Variants in DENND4C observed in about 807,000 individuals in gnomAD.
DENND4C encodes DENN domain containing 4C.
DENND4C carries 108 observed loss-of-function variants against 203.0 expected under a neutral mutation model. That is an observed-to-expected ratio of 0.53 (90% CI 0.46 to 0.62). The LOEUF (loss-of-function observed/expected upper bound fraction) is 0.62, where lower values mean the gene tolerates loss of function less well. DENND4C is among the 20% of genes least tolerant of loss of function. The probability of loss-of-function intolerance (pLI) is 0.00; values close to 1 mark genes in which losing one functional copy is unlikely to be tolerated. For synonymous variants in DENND4C, 871 were observed against 792.4 expected (o/e 1.10, Z -1.67); for missense variants, 2,481 against 2,301.2 (o/e 1.08, Z -1.60).
chr9:19,354,046 C>T (rs1367681773), intron 26 of DENND4C, among the ~76,000 whole-genome samples: 1 of 152,202 alleles, frequency 6.6e-6, no homozygotes, highest in Non-Finnish European at 1.5e-5. Context: ...CATTCCCACC[C>T]TCATTCCCCT....
chr9:19,342,700 T>G lies in DENND4C; in HGVS notation c.3072T>G (p.Thr1024=). The change falls in exon 22 of 33, where the codon ACT becomes ACG. Residue 1024 remains threonine (T), a synonymous_variant. Coordinates refer to ENST00000434457, the MANE Select transcript of DENND4C (RefSeq NM_001330640.2). The part of the protein sequence containing the change: ...SQPSPEPHSP[T]EPPAWGSSIV... ...CTAGTCCAGAGCCTCACAGTCCTACTGAACCTCCTGCATGGGGCAGCAGTA... is the reference window on the plus strand; with the variant it reads ...CTAGTCCAGAGCCTCACAGTCCTACGGAACCTCCTGCATGGGGCAGCAGTA... The G allele has an allele frequency of 6.2e-7, 1 of 1,613,752 alleles. No homozygotes were observed. Among genetic ancestry groups the G allele is most frequent in the Non-Finnish European group, 8.5e-7 (1 of 1,179,820 alleles).
At chr9:19,267,301 A>T (rs1366488912) in intron 1 of DENND4C, among the ~76,000 whole-genome samples, 1 of 152,176 alleles carries the variant, frequency 6.6e-6, no homozygotes, top group Non-Finnish European at 1.5e-5. Flanking sequence ...TGTTGGGTGC[A>T]TGTGTATTTA....
intron 1 of DENND4C, among the ~76,000 whole-genome samples, chr9:19,264,235 T>C (rs928906817): frequency 6.6e-6 from 1 of 152,162 alleles, no homozygotes; most frequent in African/African-American, 2.4e-5. Flanking sequence ...GTAGGTTGTA[T>C]GTTTCTAGGA....
chr9:19,295,301 C>T (rs1389465466), intron 5 of DENND4C, among the ~76,000 whole-genome samples: 2 of 151,722 alleles, frequency 1.3e-5, no homozygotes, highest in Non-Finnish European at 2.9e-5. Flanking sequence ...GTCAGGAGAT[C>T]GAGACCATCC....
Position 19,331,251 on chromosome 9 carries a change from G to A in DENND4C, c.2254-727G>A, listed in dbSNP as rs1005721628. Among the ~76,000 whole-genome samples, 45 of 149,774 alleles carry A rather than the reference G, an allele frequency of 3.0e-4. 1 individual carries two copies. The highest frequency in any genetic ancestry group is 1.3e-3 in the Admixed American group (19 of 14,924). On this transcript the variant is annotated intron_variant, in intron 16 of 32. Transcript: ENST00000434457. ...TGGAGTATCGCTCTGTCGCCAGGCTGGAGTGCAGTGGCACAATCTCAGCTC... is the reference window on the plus strand; with the variant it reads ...TGGAGTATCGCTCTGTCGCCAGGCTAGAGTGCAGTGGCACAATCTCAGCTC...
intron 17 of DENND4C, among the ~76,000 whole-genome samples, chr9:19,332,450 G>A (rs1343400002): frequency 6.6e-6 from 1 of 151,314 alleles, no homozygotes; most frequent in Admixed American, 6.6e-5. Context: ...TCTGCCTCCC[G>A]GGTTCAGACA....
chr9:19,323,670 A>G (rs751703314), intron 12 of DENND4C, among the ~76,000 whole-genome samples: 1 of 152,226 alleles, frequency 6.6e-6, no homozygotes, highest in Non-Finnish European at 1.5e-5. Flanking sequence ...AACACAATAC[A>G]GAAATAATGG....
intron 1 of DENND4C, among the ~76,000 whole-genome samples, chr9:19,238,302 G>A (rs1447118463): frequency 5.9e-5 from 9 of 151,528 alleles, no homozygotes; most frequent in Non-Finnish European, 1.2e-4. Context: ...GGCTGGTCTC[G>A]AACTCCTGAT....
chr9:19,270,744 A>G (rs761007369), intron 1 of DENND4C, among the ~76,000 whole-genome samples: 4 of 152,174 alleles, frequency 2.6e-5, no homozygotes, highest in African/African-American at 7.2e-5. Flanking sequence ...AGCCAGTGCA[A>G]TAAGGCAAGA....
In DENND4C at chr9:19,373,531, ATG is replaced by A. The variant is rs752893320; in HGVS notation, c.*1361_*1362del. The stretch of plus-strand genomic sequence containing the variant: ...TAGATTTGTATGCTTGTGAGTAAAA[ATG>A]TGCATTTGTAAATACTGTGTTTTTA... On this transcript the variant is annotated 3_prime_UTR_variant, in exon 33 of 33. Transcript: ENST00000434457. 6.6e-6 allele frequency: 1 copy of A among 152,636 alleles called. No individual in the cohort carries two copies. Among genetic ancestry groups the A allele is most frequent in the African/African-American group, 2.4e-5 (1 of 41,460 alleles). The allele number at this position is 152,636 out of a possible 1,614,324, so 9.5% of individuals were successfully genotyped here. A position where few individuals can be genotyped will look rare whatever the true frequency, so the allele number is the denominator to read the frequency against.
intron 5 of DENND4C, among the ~76,000 whole-genome samples, chr9:19,292,834 A>T (rs559502650): frequency 6.6e-6 from 1 of 152,086 alleles, no homozygotes; most frequent in Non-Finnish European, 1.5e-5. Context: ...GTGTCAGCCA[A>T]TGCGCCCAGC....
chr9:19,300,185 A>G lies in DENND4C; in HGVS notation c.1167-2A>G. 1 of 1,586,172 alleles carries G rather than the reference A, an allele frequency of 6.3e-7. No individual in the cohort carries two copies. The highest frequency in any genetic ancestry group is 8.6e-7 in the Non-Finnish European group (1 of 1,162,632). The stretch of plus-strand genomic sequence containing the variant: ...ATCTACTTTTCTCTTTTTTTTCCCT[A>G]GTGGAGCCAACTTTAGCACCTTGCT... On this transcript the variant is annotated splice_acceptor_variant, in intron 8 of 32. Transcript: ENST00000434457. LOFTEE classifies it high-confidence loss of function.
intron 2 of DENND4C, 59 bp downstream of exon 2, chr9:19,276,538 G>A: frequency 2.0e-6 from 2 of 1,024,574 alleles, no homozygotes; most frequent in Non-Finnish European, 2.5e-6. Context: ...AAGGGCCATG[G>A]AAGTAGGAAT....
intron 22 of DENND4C, among the ~76,000 whole-genome samples, chr9:19,343,209 T>TGCCAGTG (rs1381268840): frequency 3.9e-5 from 6 of 152,208 alleles, no homozygotes; most frequent in African/African-American, 1.4e-4. Flanking sequence ...TACACAGATA[T>TGCCAGTG]GCCAGTGGAT....
At chr9:19,279,847 A>G (rs945448792) in intron 2 of DENND4C, among the ~76,000 whole-genome samples, 2 of 152,030 alleles carry the variant, frequency 1.3e-5, no homozygotes, top group Non-Finnish European at 2.9e-5. Flanking sequence ...CAGAAGAAAA[A>G]AAAATCTATT....
intron 1 of DENND4C, among the ~76,000 whole-genome samples, chr9:19,275,209 C>G (rs1026966482): frequency 6.6e-6 from 1 of 151,454 alleles, no homozygotes; most frequent in African/African-American, 2.4e-5. Context: ...AATTCCTGAC[C>G]TCAAGTGATC....
At chr9:19,264,741 A>T (rs1206946825) in intron 1 of DENND4C, among the ~76,000 whole-genome samples, 1 of 151,168 alleles carries the variant, frequency 6.6e-6, no homozygotes, top group Non-Finnish European at 1.5e-5. Flanking sequence ...TCTTTTCAAA[A>T]CACCAAGTTT....
At chr9:19,352,751 T>C in intron 26 of DENND4C, 86 bp downstream of exon 26, 1 of 1,079,552 alleles carries the variant, frequency 9.3e-7, no homozygotes, top group Non-Finnish European at 1.3e-6. Flanking sequence ...CCTGGTATGC[T>C]CCAGGTCTGC....
intron 16 of DENND4C, among the ~76,000 whole-genome samples, chr9:19,330,434 G>C (rs1818842704): frequency 6.8e-6 from 1 of 146,116 alleles, no homozygotes; most frequent in Non-Finnish European, 1.5e-5. Context: ...CTGCCTCCCA[G>C]GTTCAAGCGA....
Sources: gnomAD v4.1 joint callset for allele counts (sites outside exome capture counted in the v4.1 genomes callset) on GRCh38, gnomAD v4.1.1 for gene constraint, MANE v1.5 for transcripts, NCBI Gene and HGNC (gene_info 2026-07-23, HGNC 2026-07-21) for gene names.